NUF2: variants seen among roughly 807,000 people sequenced by gnomAD.
NUF2 encodes the protein NUF2 component of NDC80 kinetochore complex.
A neutral mutation model predicts 61.8 loss-of-function variants in NUF2; 34 were observed. The ratio of observed to expected loss-of-function variants is 0.55; its 90% CI spans 0.42 to 0.73. The LOEUF (loss-of-function observed/expected upper bound fraction) is 0.73, where lower values mean the gene tolerates loss of function less well. NUF2 is among the 30% of genes least tolerant of loss of function. The pLI, the probability that NUF2 is intolerant of heterozygous loss-of-function variation, is 0.00. For synonymous variants in NUF2, 172 were observed against 181.6 expected (o/e 0.95, Z 0.42); for missense variants, 445 against 539.1 (o/e 0.83, Z 1.73).
At chr1:163,349,202 T>C in intron 13 of NUF2, 122 bp downstream of exon 13, 1 of 754,056 alleles carries the variant, frequency 1.3e-6, no homozygotes, top group South Asian at 2.0e-5. Context: ...CCTAAAATTA[T>C]TTACTCTTTA....
At chr1:163,324,706 A>C (rs1159639613) in intron 1 of NUF2, among the ~76,000 whole-genome samples, 2 of 152,110 alleles carry the variant, frequency 1.3e-5, no homozygotes, top group Non-Finnish European at 2.9e-5. Context: ...ATTGCTGCTC[A>C]TTTCTCTCTT....
intron 13 of NUF2, among the ~76,000 whole-genome samples, chr1:163,354,235 T>C (rs998218453): frequency 6.6e-6 from 1 of 152,202 alleles, no homozygotes; most frequent in Non-Finnish European, 1.5e-5. Context: ...TTGTAGTAAT[T>C]TGATACCTGC....
intron 13 of NUF2, among the ~76,000 whole-genome samples, chr1:163,351,092 T>C (rs2101692196): frequency 6.6e-6 from 1 of 152,320 alleles, no homozygotes; most frequent in East Asian, 1.9e-4. Context: ...CCATTCTTTA[T>C]ATAGCTTCAT....
rs183934408 is a variant in NUF2, at chr1:163,325,216, C to T, written c.-20-816C>T. 3.9e-5 allele frequency among the ~76,000 whole-genome samples: 6 copies of T among 152,234 alleles called. No individual in the cohort carries two copies. In the East Asian group the frequency reaches 1.2e-3, roughly 29 times the overall value. On this transcript the variant is annotated intron_variant, in intron 1 of 13. Coordinates refer to ENST00000271452, the MANE Select transcript of NUF2 (RefSeq NM_145697.3). ...CATCAGCATTTATTGACCTTTTGAA[C>T]TGGATAATTCTTTGCTGTTGGGGGC...
chr1:163,340,308 GT>G, intron 8 of NUF2, 55 bp from the exon 9 acceptor site: 12 of 1,308,610 alleles, frequency 9.2e-6, no homozygotes, highest in Non-Finnish European at 1.3e-5. Context: ...ACAGCAGTGA[GT>G]GGCTAAATCT....
At chr1:163,333,845 G>C (rs528237840) in intron 5 of NUF2, among the ~76,000 whole-genome samples, 2 of 152,206 alleles carry the variant, frequency 1.3e-5, no homozygotes, top group African/African-American at 4.8e-5. Context: ...TACATGTAGT[G>C]GGTACAAGTC....
chr1:163,342,057 G>A (rs146500138), intron 9 of NUF2, among the ~76,000 whole-genome samples: 496 of 152,174 alleles, frequency 3.3e-3, no homozygotes, highest in African/African-American at 0.011. Flanking sequence ...TTATAGATAC[G>A]GCCTTTATGG....
intron 3 of NUF2, 67 bp from the exon 4 acceptor site, chr1:163,328,161 G>C: frequency 1.0e-6 from 1 of 958,578 alleles, no homozygotes; most frequent in Non-Finnish European, 1.6e-6. Flanking sequence ...TTTTGATCTT[G>C]GTTGAAGATT....
rs529038211 is a variant in NUF2 at position 163,322,579 on chromosome 1, A to T, written c.-21+367A>T. Among the ~76,000 whole-genome samples, 256 of 152,364 alleles carry T rather than the reference A, an allele frequency of 1.7e-3. 1 individual carries two copies. Among genetic ancestry groups the T allele is most frequent in the Non-Finnish European group, 2.7e-3 (184 of 68,034 alleles). On this transcript the variant is annotated intron_variant, in intron 1 of 13. Coordinates refer to ENST00000271452, the MANE Select transcript of NUF2 (RefSeq NM_145697.3). ...TAACGCCATCATTGTTCCTTTTAAA[A>T]GTTCAAGGAACGTTTTACTTAATTC...
chr1:163,330,879 A>G lies in NUF2; in HGVS notation c.337+1972A>G, dbSNP rs543058890. Among the ~76,000 whole-genome samples the G allele has an allele frequency of 3.3e-5, 5 of 151,844 alleles. No homozygotes were observed. In the South Asian group the frequency reaches 8.3e-4, roughly 25 times the overall value. ...GTCATTGTTAGTGTAGACAAGTACA[A>G]TTGATTTTTATATATTGACTTTGCT... On this transcript the variant is annotated intron_variant, in intron 5 of 13. Transcript: ENST00000271452.
At chr1:163,324,494 C>G (rs2101662938) in intron 1 of NUF2, among the ~76,000 whole-genome samples, 1 of 126,768 alleles carries the variant, frequency 7.9e-6, no homozygotes, top group East Asian at 2.1e-4. Flanking sequence ...CAAAGCTCCC[C>G]TTTTTAACCC....
At chr1:163,331,691 T>C (rs1418114899) in intron 5 of NUF2, among the ~76,000 whole-genome samples, 1 of 152,056 alleles carries the variant, frequency 6.6e-6, no homozygotes, top group East Asian at 1.9e-4. Context: ...AGGGCTATTC[T>C]GGTTGTTTAT....
chr1:163,344,455 T>C (rs1188104326), intron 10 of NUF2, among the ~76,000 whole-genome samples: 1 of 123,964 alleles, frequency 8.1e-6, no homozygotes, highest in African/African-American at 2.8e-5. Flanking sequence ...CTTCAGATCG[T>C]AGCATAAAAA....
intron 5 of NUF2, among the ~76,000 whole-genome samples, chr1:163,331,819 G>A (rs1650607170): frequency 6.6e-6 from 1 of 151,812 alleles, no homozygotes; most frequent in South Asian, 2.1e-4. Context: ...TGTTATTGGG[G>A]TAGGTAATAA....
intron 5 of NUF2, among the ~76,000 whole-genome samples, chr1:163,335,205 G>T (rs1190400095): frequency 6.6e-6 from 1 of 152,046 alleles, no homozygotes; most frequent in Non-Finnish European, 1.5e-5. Context: ...GCCCACCTCG[G>T]CCTCCCAAAG....
At chr1:163,335,365 T>A (rs1650723858) in intron 5 of NUF2, among the ~76,000 whole-genome samples, 1 of 152,128 alleles carries the variant, frequency 6.6e-6, no homozygotes, top group East Asian at 1.9e-4. Context: ...TAGTTGACAG[T>A]TTTTTCAGTG....
chr1:163,345,223 G>A (rs1004471685), intron 10 of NUF2, among the ~76,000 whole-genome samples: 1 of 152,094 alleles, frequency 6.6e-6, no homozygotes, highest in Non-Finnish European at 1.5e-5. Flanking sequence ...TGTTACCATG[G>A]TTGTAGTAAA....
intron 10 of NUF2, among the ~76,000 whole-genome samples, 161 bp downstream of exon 10, chr1:163,344,031 G>A (rs1651036279): frequency 6.6e-6 from 1 of 152,016 alleles, no homozygotes; most frequent in Admixed American, 6.6e-5. Flanking sequence ...TCTCTAGAGT[G>A]AATATGGGGA....
intron 5 of NUF2, among the ~76,000 whole-genome samples, chr1:163,330,765 G>A (rs1172071506): frequency 6.6e-6 from 1 of 151,992 alleles, no homozygotes; most frequent in Non-Finnish European, 1.5e-5. Context: ...AAATTTCAGA[G>A]TGCAGACCTT....
Sources: gnomAD v4.1 joint callset for allele counts (sites outside exome capture counted in the v4.1 genomes callset) on GRCh38, gnomAD v4.1.1 for gene constraint, MANE v1.5 for transcripts, NCBI Gene and HGNC (gene_info 2026-07-23, HGNC 2026-07-21) for gene names.